PEA15: variants seen among roughly 807,000 people sequenced by gnomAD.
PEA15 encodes the protein proliferation and apoptosis adaptor protein 15.
For synonymous variants in PEA15, 60 were observed against 61.8 expected (o/e 0.97, Z 0.13); for missense variants, 77 against 161.3 (o/e 0.48, Z 2.83).
rs8192602 is a variant in PEA15 at position 160,211,719 on chromosome 1, G to A, written c.172+3G>A. The stretch of plus-strand genomic sequence containing the variant: ...GAGCCACAACAAGCTGGACAAAGGT[G>A]GGGGAGGGGAGCACAGGGGTCCTGT... On this transcript the variant is annotated splice_donor_region_variant and intron_variant, in intron 2 of 3. Transcript: ENST00000360472. 0.021 allele frequency: 33,799 copies of A among 1,611,948 alleles called. 396 individuals carry two copies. Among genetic ancestry groups the A allele is most frequent in the Non-Finnish European group, 0.023 (27,480 of 1,178,608 alleles).
At position 160,213,292 on chromosome 1, in the gene PEA15, G is replaced by A. The variant is rs757233914; in HGVS notation, c.328+27G>A. 6 of 1,613,952 alleles carry A rather than the reference G, an allele frequency of 3.7e-6. No homozygotes were observed. Among genetic ancestry groups the A allele is most frequent in the African/African-American group, 1.3e-5 (1 of 74,922 alleles). On this transcript the variant is annotated intron_variant, in intron 3 of 3. Coordinates refer to ENST00000360472, the MANE Select transcript of PEA15 (RefSeq NM_003768.5). This position sits in a 1 kb window ranked among gnomAD's most constrained non-coding sequence, Gnocchi z 5.3. ...TAAGCGGCCACTCCTTTAACTAGCT[G>A]CACCTCTGCCTCGTCCCGTTGACTA...
Position 160,213,642 on chromosome 1 carries a change from T to C in PEA15, c.*156T>C. 1 of 497,010 alleles carries C rather than the reference T, an allele frequency of 2.0e-6. No individual in the cohort carries two copies. The highest frequency in any genetic ancestry group is 3.7e-6 in the Non-Finnish European group (1 of 271,940). The allele number at this position is 497,010 out of a possible 1,614,324, so 30.8% of individuals were successfully genotyped here. ...CGCGTGTGTGTGCGTGTGCGCACGC[T>C]CTGGCTGTTTGTCTATATGTCTAGC... On this transcript the variant is annotated 3_prime_UTR_variant, in exon 4 of 4. Transcript: ENST00000360472. This position sits in a 1 kb window ranked among gnomAD's most constrained non-coding sequence, Gnocchi z 5.3.
chr1:160,213,567 C>A lies in PEA15; in HGVS notation c.*81C>A. The A allele has an allele frequency of 7.9e-7, 1 of 1,265,952 alleles. No individual in the cohort carries two copies. Among genetic ancestry groups the A allele is most frequent in the Non-Finnish European group, 1.2e-6 (1 of 868,318 alleles). The allele number at this position is 1,265,952 out of a possible 1,614,324, so 78.4% of individuals were successfully genotyped here. A position where few individuals can be genotyped will look rare whatever the true frequency, so the allele number is the denominator to read the frequency against. The stretch of plus-strand genomic sequence containing the variant: ...CATCCTCCAGGAGAGGGGGCAAGGG[C>A]AACCCACCATCTACCCACTTACTAA... On this transcript the variant is annotated 3_prime_UTR_variant, in exon 4 of 4. Transcript: ENST00000360472. The surrounding 1 kb of genome is among the most constrained non-coding windows in gnomAD (Gnocchi z 5.3).
At chr1:160,211,435 C>G in intron 1 of PEA15, 108 bp from the exon 2 acceptor site, 1 of 1,391,582 alleles carries the variant, frequency 7.2e-7, no homozygotes, top group Non-Finnish European at 9.6e-7. Context: ...ATGTTCCAGG[C>G]ACATGCCTGG....
intron 2 of PEA15, among the ~76,000 whole-genome samples, 169 bp downstream of exon 2, chr1:160,211,885 C>T (rs1206822475): frequency 1.3e-5 from 2 of 152,110 alleles, no homozygotes; most frequent in Non-Finnish European, 2.9e-5. Context: ...TCACTGTGCC[C>T]CTCATCGGTA....
Position 160,208,608 on chromosome 1 carries a change from G to C in PEA15, c.-2-2935G>C. On this transcript the variant is annotated intron_variant, in intron 1 of 3. Transcript: ENST00000360472. The surrounding 1 kb of genome is among the most constrained non-coding windows in gnomAD (Gnocchi z 4.1). ...AATCTCTGGTGAGGAAAGTGACATG[G>C]AGGATGAAGGAAACAAGCTCTGCCA... The C allele has an allele frequency of 6.4e-7, 1 of 1,550,498 alleles. No homozygotes were observed. The highest frequency in any genetic ancestry group is 8.7e-7 in the Non-Finnish European group (1 of 1,146,900).
At position 160,210,053 on chromosome 1, in the gene PEA15, T is replaced by C. The variant is rs193175779; in HGVS notation, c.-2-1490T>C. On this transcript the variant is annotated intron_variant, in intron 1 of 3. Transcript: ENST00000360472. ...TCTGGCTCATTGTCTGCCTGTGTCA[T>C]GGTGCCTGCCACCAAGGGAGGCTTG... Among the ~76,000 whole-genome samples the C allele has an allele frequency of 2.2e-3, 337 of 152,332 alleles. 2 individuals are homozygous for C. Among genetic ancestry groups the C allele is most frequent in the African/African-American group, 7.7e-3 (322 of 41,576 alleles).
chr1:160,213,117 C>T lies in PEA15; in HGVS notation c.180C>T (p.Leu60=). ...TCTCCTGCCTTCCTCCAGACAACCTCTCCTACATTGAGCACATCTTTGAGA... is the reference window on the plus strand; with the variant it reads ...TCTCCTGCCTTCCTCCAGACAACCTTTCCTACATTGAGCACATCTTTGAGA... The part of the protein sequence containing the change: ...ESHNKLDKDN[L]SYIEHIFEIS... Residue 60 remains leucine, a synonymous_variant, in exon 3 of 4, where the codon CTC becomes CTT. Transcript: ENST00000360472. This position sits in a 1 kb window ranked among gnomAD's most constrained non-coding sequence, Gnocchi z 5.3. The T allele has an allele frequency of 6.2e-7, 1 of 1,614,126 alleles. No homozygotes were observed. The highest frequency in any genetic ancestry group is 8.5e-7 in the Non-Finnish European group (1 of 1,180,002).
intron 2 of PEA15, among the ~76,000 whole-genome samples, chr1:160,212,484 G>A (rs1472271494): frequency 1.3e-5 from 2 of 152,062 alleles, no homozygotes; most frequent in African/African-American, 4.8e-5. Flanking sequence ...ACTGCTGTGT[G>A]GCTGGCAGGG....
At chr1:160,212,062 T>G (rs1427246895) in intron 2 of PEA15, among the ~76,000 whole-genome samples, 1 of 152,230 alleles carries the variant, frequency 6.6e-6, no homozygotes, top group East Asian at 1.9e-4. Context: ...ATCTAACTGG[T>G]AAATAGTAAT....
rs1654881840 is a variant in PEA15, at chr1:160,211,668, G to A, written c.124G>A (p.Gly42Ser). 1 of 1,613,930 alleles carries A rather than the reference G, an allele frequency of 6.2e-7. No individual in the cohort carries two copies. The highest frequency in any genetic ancestry group is 8.5e-7 in the Non-Finnish European group (1 of 1,179,972). Residue 42 changes from glycine to serine, a missense_variant, in exon 2 of 4, where the codon GGC becomes AGC. Physicochemically the swap from Gly to Ser is moderately conservative, Grantham distance 56. Transcript: ENST00000360472. Reference sequence around the variant, plus strand: ...CGAAAAGAGTGAGGAGATCACTACTGGCAGTGCCTGGTTTAGCTTCCTGGA... The same window carrying A: ...CGAAAAGAGTGAGGAGATCACTACTAGCAGTGCCTGGTTTAGCTTCCTGGA... ...PSEKSEEITTGSAWFSFLESH... is the reference protein window; with the variant it reads ...PSEKSEEITTSSAWFSFLESH...
rs1655065724 is a variant in PEA15 at position 160,215,354 on chromosome 1, G to GTGAT, written c.*1875_*1878dup. 2 of 152,306 alleles carry GTGAT rather than the reference G, an allele frequency of 1.3e-5. No individual in the cohort carries two copies. Among genetic ancestry groups the GTGAT allele is most frequent in the East Asian group, 1.9e-4 (1 of 5,178 alleles). The allele number at this position is 152,306 out of a possible 1,614,324, so 9.4% of individuals were successfully genotyped here. A position where few individuals can be genotyped will look rare whatever the true frequency, so the allele number is the denominator to read the frequency against. ...GGCCTTGTTCTAACCCGGAATAAAG[G>GTGAT]TGATTGATTGTATTGCAACTAACTG... On this transcript the variant is annotated 3_prime_UTR_variant, in exon 4 of 4. Coordinates refer to ENST00000360472, the MANE Select transcript of PEA15 (RefSeq NM_003768.5).
intron 1 of PEA15, among the ~76,000 whole-genome samples, chr1:160,210,470 C>A (rs368955064): frequency 6.6e-6 from 1 of 152,226 alleles, no homozygotes; most frequent in Non-Finnish European, 1.5e-5. Context: ...AAACATCTGA[C>A]CTTCTTTCTT....
chr1:160,213,005 A>T lies in PEA15; in HGVS notation c.173-105A>T, dbSNP rs182456629. 17 of 1,153,160 alleles carry T rather than the reference A, an allele frequency of 1.5e-5. No individual in the cohort carries two copies. The East Asian group carries it at 4.0e-4, about 27-fold the overall frequency. The allele number at this position is 1,153,160 out of a possible 1,614,324, so 71.4% of individuals were successfully genotyped here. ...TCCTCCAGTGTTGTACCCTCCCATAACCAATGTCAGCAACTCAGCTTTGGT... is the reference window on the plus strand; with the variant it reads ...TCCTCCAGTGTTGTACCCTCCCATATCCAATGTCAGCAACTCAGCTTTGGT... On this transcript the variant is annotated intron_variant, in intron 2 of 3. Coordinates refer to ENST00000360472, the MANE Select transcript of PEA15 (RefSeq NM_003768.5). This position sits in a 1 kb window ranked among gnomAD's most constrained non-coding sequence, Gnocchi z 5.3.
chr1:160,210,353 T>C (rs753976203), intron 1 of PEA15, among the ~76,000 whole-genome samples: 1 of 152,252 alleles, frequency 6.6e-6, no homozygotes, highest in Non-Finnish European at 1.5e-5. Context: ...TTTTAAAACA[T>C]GCTTTACTTT....
In PEA15 at chr1:160,213,084, T is replaced by C. The variant is rs756658807; in HGVS notation, c.173-26T>C. ...GAAGCTGACCTCTACAGCCTAGCTC[T>C]GACCCTATCTCCTGCCTTCCTCCAG... On this transcript the variant is annotated intron_variant, in intron 2 of 3. Transcript: ENST00000360472. The surrounding 1 kb of genome is among the most constrained non-coding windows in gnomAD (Gnocchi z 5.3). The C allele has an allele frequency of 6.2e-7, 1 of 1,613,638 alleles. No individual in the cohort carries two copies. The highest frequency in any genetic ancestry group is 1.1e-5 in the South Asian group (1 of 90,952).
At position 160,205,600 on chromosome 1, in the gene PEA15, G is replaced by T. The variant is rs1345295695; in HGVS notation, c.-3+78G>T. The T allele has an allele frequency of 6.5e-6, 1 of 153,154 alleles. No homozygotes were observed. Among genetic ancestry groups the T allele is most frequent in the African/African-American group, 2.4e-5 (1 of 41,466 alleles). The allele number at this position is 153,154 out of a possible 1,614,324, so 9.5% of individuals were successfully genotyped here. ...CTAGGCTTGGAGGGGCAACGATCTGGGACACCGGGGGCCAGACGGGGAGTG... is the reference window on the plus strand; with the variant it reads ...CTAGGCTTGGAGGGGCAACGATCTGTGACACCGGGGGCCAGACGGGGAGTG... On this transcript the variant is annotated intron_variant, in intron 1 of 3. Coordinates refer to ENST00000360472, the MANE Select transcript of PEA15 (RefSeq NM_003768.5). This position sits in a 1 kb window ranked among gnomAD's most constrained non-coding sequence, Gnocchi z 5.9.
intron 1 of PEA15, chr1:160,211,197 G>A: frequency 1.5e-6 from 1 of 676,346 alleles, no homozygotes; most frequent in Non-Finnish European, 1.8e-6. Context: ...CTTGGAGAGA[G>A]CGGGTGAGAA....
chr1:160,213,100 C>T lies in PEA15; in HGVS notation c.173-10C>T. 1 of 1,613,988 alleles carries T rather than the reference C, an allele frequency of 6.2e-7. No individual in the cohort carries two copies. Among genetic ancestry groups the T allele is most frequent in the Non-Finnish European group, 8.5e-7 (1 of 1,179,922 alleles). ...GCCTAGCTCTGACCCTATCTCCTGC[C>T]TTCCTCCAGACAACCTCTCCTACAT... On this transcript the variant is annotated splice_polypyrimidine_tract_variant and intron_variant, in intron 2 of 3. Transcript: ENST00000360472. This position sits in a 1 kb window ranked among gnomAD's most constrained non-coding sequence, Gnocchi z 5.3.
Sources: allele counts gnomAD v4.1 joint callset (sites outside exome capture counted in the v4.1 genomes callset), GRCh38; gene constraint gnomAD v4.1.1; non-coding constraint Gnocchi (gnomAD v3.1); transcripts MANE v1.5; gene names NCBI Gene and HGNC (gene_info 2026-07-23, HGNC 2026-07-21).